Variants in RGCC observed in about 807,000 individuals in gnomAD.
RGCC encodes the protein regulator of cell cycle, also known as regulator of cell cycle RGCC.
A neutral mutation model predicts 15.4 loss-of-function variants in RGCC; 15 were observed. That is an observed-to-expected ratio of 0.97 (90% CI 0.65 to 1.50). The LOEUF (loss-of-function observed/expected upper bound fraction) is 1.50. Among genes scored for constraint, RGCC ranks in the 40% most tolerant of loss-of-function variants. RGCC has a pLI of 0.00. For synonymous variants in RGCC, 81 were observed against 78.0 expected, an observed-to-expected ratio of 1.04 and a Z score of -0.20; for missense variants, 176 against 189.7, an observed-to-expected ratio of 0.93 and a Z score of 0.42.
intron 2 of RGCC, among the ~76,000 whole-genome samples, chr13:41,461,695 C>T (rs561234751): frequency 3.9e-5 from 6 of 152,284 alleles, no homozygotes; most frequent in Admixed American, 1.3e-4. Flanking sequence ...GAGGAACTGG[C>T]TTCTTTAGCA....
chr13:41,458,547 G>C lies in RGCC; in HGVS notation c.235+77G>C, dbSNP rs1400949817. The C allele has an allele frequency of 7.0e-7, 1 of 1,426,716 alleles. No individual in the cohort carries two copies. The highest frequency in any genetic ancestry group is 9.4e-7 in the Non-Finnish European group (1 of 1,065,804). The allele number at this position is 1,426,716 out of a possible 1,614,324, so 88.4% of individuals were successfully genotyped here. ...CTGCCCCGCGAAGGCTGCGGCCTCA[G>C]TTTTCTTATCAGTAAACTGAGGAAT... On this transcript the variant is annotated intron_variant, in intron 2 of 4. Transcript: ENST00000379359. This position sits in a 1 kb window ranked among gnomAD's most constrained non-coding sequence, Gnocchi z 4.4.
rs552657779 is a variant in RGCC, at chr13:41,459,968, A to G, written c.235+1498A>G. ...GCGCGCCCATTCATGGCTGATTGCA[A>G]CTTCCACTGGGTGGGATTTCAGATC... is the stretch of plus-strand genomic sequence containing the variant. On this transcript the variant is annotated intron_variant, in intron 2 of 4. Transcript: ENST00000379359. Among the ~76,000 whole-genome samples the G allele has an allele frequency of 5.9e-5, 9 of 152,308 alleles. 1 individual carries two copies. The highest frequency in any genetic ancestry group is 1.9e-4 in the East Asian group (1 of 5,178).
intron 3 of RGCC, 108 bp from the exon 4 acceptor site, chr13:41,468,668 A>G (rs1451426122): frequency 1.2e-5 from 9 of 779,262 alleles, no homozygotes; most frequent in Non-Finnish European, 1.9e-5. Flanking sequence ...CCATTCTATA[A>G]CTCTGGAAGT....
chr13:41,465,551 A>T (rs1265551442), intron 2 of RGCC, among the ~76,000 whole-genome samples: 1 of 75,184 alleles, frequency 1.3e-5, no homozygotes, highest in Admixed American at 1.2e-4. Context: ...AGGCCCAGAG[A>T]TGTACTAGCT....
chr13:41,463,251 C>G (rs993979616), intron 2 of RGCC, among the ~76,000 whole-genome samples: 1 of 152,024 alleles, frequency 6.6e-6, no homozygotes. Flanking sequence ...TGAGGGCTCT[C>G]TTTTCATCTG....
In RGCC at chr13:41,458,485, C is replaced by T. The variant is rs774931415; in HGVS notation, c.235+15C>T. 3 of 1,586,264 alleles carry T rather than the reference C, an allele frequency of 1.9e-6. No individual in the cohort carries two copies. Among genetic ancestry groups the T allele is most frequent in the Admixed American group, 1.7e-5 (1 of 58,112 alleles). On this transcript the variant is annotated intron_variant, in intron 2 of 4. Coordinates refer to ENST00000379359, the MANE Select transcript of RGCC (RefSeq NM_014059.3). This position sits in a 1 kb window ranked among gnomAD's most constrained non-coding sequence, Gnocchi z 4.4. ...CGACTCGGAGAGTAAGTGCGGCCCCCGCTAGGATGGCGCCGGGATCTCCCA... is the reference window on the plus strand; with the variant it reads ...CGACTCGGAGAGTAAGTGCGGCCCCTGCTAGGATGGCGCCGGGATCTCCCA...
Position 41,458,591 on chromosome 13 carries a change from G to A in RGCC, c.235+121G>A, listed in dbSNP as rs921929066. 4.5e-6 allele frequency: 5 copies of A among 1,120,972 alleles called. No individual in the cohort carries two copies. Among genetic ancestry groups the A allele is most frequent in the Admixed American group, 2.8e-5 (1 of 36,006 alleles). 69.4% of individuals were successfully genotyped at this position (1,120,972 alleles called of 1,614,324 possible). A position where few individuals can be genotyped will look rare whatever the true frequency, so the allele number is the denominator to read the frequency against. On this transcript the variant is annotated intron_variant, in intron 2 of 4. Coordinates refer to ENST00000379359, the MANE Select transcript of RGCC (RefSeq NM_014059.3). This position sits in a 1 kb window ranked among gnomAD's most constrained non-coding sequence, Gnocchi z 4.4. The stretch of plus-strand genomic sequence containing the variant: ...GAGGAATGGTTTCCTGAAGCTCAAC[G>A]CAGTAGGCCGAGTGGTGGCGGGGCC...
At chr13:41,468,878 A>G in intron 4 of RGCC, 40 bp downstream of exon 4, 1 of 1,360,588 alleles carries the variant, frequency 7.3e-7, no homozygotes, top group South Asian at 1.2e-5. Context: ...AAAACAAAAA[A>G]CTAACAGACA....
chr13:41,466,143 C>T (rs1301714965), intron 2 of RGCC, among the ~76,000 whole-genome samples: 1 of 147,906 alleles, frequency 6.8e-6, no homozygotes, highest in East Asian at 2.0e-4. Context: ...CACACACACT[C>T]CACACTCACA....
Position 41,470,639 on chromosome 13 carries a change from C to A in RGCC, c.*154C>A. ...ACTCTCAGGCTCACCTTAAAATCAG[C>A]CCTTGATCCCATTTCTGGGCAATTT... On this transcript the variant is annotated 3_prime_UTR_variant, in exon 5 of 5. Transcript: ENST00000379359. 1 of 725,682 alleles carries A rather than the reference C, an allele frequency of 1.4e-6. No individual in the cohort carries two copies. The allele number at this position is 725,682 out of a possible 1,614,324, so 45.0% of individuals were successfully genotyped here. A position where few individuals can be genotyped will look rare whatever the true frequency, so the allele number is the denominator to read the frequency against.
chr13:41,467,663 A>T (rs1370662346), intron 3 of RGCC, among the ~76,000 whole-genome samples: 1 of 152,264 alleles, frequency 6.6e-6, no homozygotes, highest in Non-Finnish European at 1.5e-5. Flanking sequence ...TGACAATTCC[A>T]TCACTCTTTT....
In RGCC at chr13:41,457,883, G is replaced by A; in HGVS notation, c.49+127G>A. 7.7e-7 allele frequency: 1 copy of A among 1,298,032 alleles called. No individual in the cohort carries two copies. Among genetic ancestry groups the A allele is most frequent in the Non-Finnish European group, 9.9e-7 (1 of 1,009,096 alleles). The allele number at this position is 1,298,032 out of a possible 1,614,324, so 80.4% of individuals were successfully genotyped here. ...TCCTCCCCGGCGGGAACCTGTCCCC[G>A]GTCTTCCCGCGCGGGCGGCTGCAGC... is the stretch of plus-strand genomic sequence containing the variant. On this transcript the variant is annotated intron_variant, in intron 1 of 4. Coordinates refer to ENST00000379359, the MANE Select transcript of RGCC (RefSeq NM_014059.3). This position sits in a 1 kb window ranked among gnomAD's most constrained non-coding sequence, Gnocchi z 4.9.
chr13:41,468,662 T>A (rs1336615702), intron 3 of RGCC, 114 bp from the exon 4 acceptor site: 1 of 752,544 alleles, frequency 1.3e-6, no homozygotes. Context: ...AATAATCCAT[T>A]CTATAACTCT....
chr13:41,470,110 C>T (rs916282021), intron 4 of RGCC, among the ~76,000 whole-genome samples: 1 of 152,136 alleles, frequency 6.6e-6, no homozygotes, highest in East Asian at 1.9e-4. Flanking sequence ...TAACTATGTT[C>T]TTAACACTCT....
chr13:41,462,568 C>G (rs11618371), intron 2 of RGCC, among the ~76,000 whole-genome samples: 11,201 of 152,166 alleles, frequency 0.074, 552 homozygotes, highest in Non-Finnish European at 0.1. Flanking sequence ...TTACCACCTG[C>G]CAGGGTTCCC....
In RGCC at chr13:41,466,927, AAAGGT is replaced by A. The variant is rs1257498635; in HGVS notation, c.343+3_343+7del. On this transcript the variant is annotated splice_donor_variant and coding_sequence_variant, in exon 3 of 5. Coordinates refer to ENST00000379359, the MANE Select transcript of RGCC (RefSeq NM_014059.3). LOFTEE classifies it high-confidence loss of function. ...TCTCTCTGCCACTGTCACTCCTCAG[AAAGGT>A]AAGGTCATTAGTTGGAATTTGAGTT... 3.7e-6 allele frequency: 6 copies of A among 1,608,776 alleles called. No homozygotes were observed. The highest frequency in any genetic ancestry group is 1.7e-5 in the Admixed American group (1 of 59,998).
chr13:41,470,647 C>T lies in RGCC; in HGVS notation c.*162C>T, dbSNP rs975664208. On this transcript the variant is annotated 3_prime_UTR_variant, in exon 5 of 5. Transcript: ENST00000379359. ...GCTCACCTTAAAATCAGCCCTTGAT[C>T]CCATTTCTGGGCAATTTAGACAGTG... 6 of 694,688 alleles carry T rather than the reference C, an allele frequency of 8.6e-6. No homozygotes were observed. The African/African-American group carries it at 1.1e-4, about 12-fold the overall frequency. The allele number at this position is 694,688 out of a possible 1,614,324, so 43.0% of individuals were successfully genotyped here.
In RGCC at chr13:41,468,764, C is replaced by G; in HGVS notation, c.344-12C>G. On this transcript the variant is annotated splice_polypyrimidine_tract_variant and intron_variant, in intron 3 of 4. Coordinates refer to ENST00000379359, the MANE Select transcript of RGCC (RefSeq NM_014059.3). ...TCTCTCTCTCTCTCTCTCTCCCTCT[C>G]CTGTTTCACAGCTAAATTAGGAGAC... is the stretch of plus-strand genomic sequence containing the variant. The G allele has an allele frequency of 1.3e-6, 2 of 1,598,672 alleles. No homozygotes were observed. Among genetic ancestry groups the G allele is most frequent in the Non-Finnish European group, 8.5e-7 (1 of 1,172,234 alleles).
intron 2 of RGCC, among the ~76,000 whole-genome samples, chr13:41,466,145 ACACT>A (rs1027519180): frequency 6.9e-6 from 1 of 145,602 alleles, no homozygotes; most frequent in Non-Finnish European, 1.5e-5. Context: ...CACACACTCC[ACACT>A]CACACACGCA....
Sources: gnomAD v4.1 joint callset for allele counts (sites outside exome capture counted in the v4.1 genomes callset) on GRCh38, gnomAD v4.1.1 for gene constraint, Gnocchi (gnomAD v3.1) non-coding constraint, MANE v1.5 for transcripts, NCBI Gene and HGNC (gene_info 2026-07-23, HGNC 2026-07-21) for gene names.